PAX5: variants seen among roughly 807,000 people sequenced by gnomAD.
PAX5 encodes paired box protein Pax-5.
A neutral mutation model predicts 43.7 loss-of-function variants in PAX5; 9 were observed. The ratio of observed to expected loss-of-function variants is 0.21; its 90% confidence interval spans 0.12 to 0.36. PAX5 has a LOEUF of 0.36. Ranked by LOEUF, PAX5 falls within the 10% of genes least tolerant of loss-of-function variation. PAX5 has a pLI of 1.00. For missense variants in PAX5, 383 were observed against 532.7 expected (o/e 0.72, Z 2.77); for synonymous variants, 228 against 214.3 (o/e 1.06, Z -0.56).
rs370298232 is a variant in PAX5 at position 36,984,471 on chromosome 9, G to A, written c.605-17747C>T. On this transcript the variant is annotated intron_variant, in intron 5 of 9. Coordinates refer to ENST00000358127, the MANE Select transcript of PAX5 (RefSeq NM_016734.3). ...TTTTTTTTTTTTGAGATGGAGTTTCGCTCTTGTCACCCAGGCTGGAGTGCA... is the reference window on the plus strand; with the variant it reads ...TTTTTTTTTTTTGAGATGGAGTTTCACTCTTGTCACCCAGGCTGGAGTGCA... 2.3e-3 allele frequency among the ~76,000 whole-genome samples: 216 copies of A among 93,924 alleles called. 1 individual carries two copies. Among genetic ancestry groups the A allele is most frequent in the African/African-American group, 9.2e-3 (202 of 22,006 alleles). 61.6% of individuals were successfully genotyped at this position (93,924 alleles called of 152,430 possible). A position where few individuals can be genotyped will look rare whatever the true frequency, so the allele number is the denominator to read the frequency against.
intron 5 of PAX5, among the ~76,000 whole-genome samples, chr9:36,998,378 G>A (rs1381246835): frequency 3.3e-5 from 5 of 152,128 alleles, no homozygotes; most frequent in African/African-American, 4.8e-5. Flanking sequence ...AACTCTACTC[G>A]GAGCTTTCTA....
intron 1 of PAX5, among the ~76,000 whole-genome samples, chr9:37,030,042 G>T (rs575184234): frequency 1.3e-5 from 2 of 152,210 alleles, no homozygotes; most frequent in Admixed American, 6.5e-5. Flanking sequence ...TCGGATACCC[G>T]TGAGGCTTGC....
Position 36,839,148 on chromosome 9 carries a change from G to A in PAX5, c.*1412C>T, listed in dbSNP as rs1300302923. ...ACCCCCATGTCAAAATCACTCCCAG[G>A]TCACACAGCAGCTCCTCACTGCTCT... On this transcript the variant is annotated 3_prime_UTR_variant, in exon 10 of 10. Coordinates refer to ENST00000358127, the MANE Select transcript of PAX5 (RefSeq NM_016734.3). 1.3e-5 allele frequency: 3 copies of A among 233,570 alleles called. No homozygotes were observed. The highest frequency in any genetic ancestry group is 2.5e-5 in the Non-Finnish European group (3 of 118,358). 14.5% of individuals were successfully genotyped at this position (233,570 alleles called of 1,614,324 possible).
At chr9:36,928,845 G>T (rs960860909) in intron 6 of PAX5, among the ~76,000 whole-genome samples, 1 of 152,122 alleles carries the variant, frequency 6.6e-6, no homozygotes, top group African/African-American at 2.4e-5. Flanking sequence ...AAAACCTCTG[G>T]GGACACTGCC....
chr9:36,895,785 TG>T (rs1212697177), intron 7 of PAX5, among the ~76,000 whole-genome samples: 1 of 152,230 alleles, frequency 6.6e-6, no homozygotes, highest in Non-Finnish European at 1.5e-5. Flanking sequence ...TAGCAGTCTG[TG>T]CTCTTAACCA....
chr9:36,981,586 G>A (rs72735660), intron 5 of PAX5, among the ~76,000 whole-genome samples: 14,131 of 152,230 alleles, frequency 0.093, 779 homozygotes, highest in African/African-American at 0.16. Context: ...GGGGTCCCTA[G>A]GGAAAATCCC....
chr9:36,866,914 T>C (rs1184416230), intron 8 of PAX5, among the ~76,000 whole-genome samples: 2 of 152,142 alleles, frequency 1.3e-5, no homozygotes, highest in African/African-American at 4.8e-5. Flanking sequence ...TACACAGGGC[T>C]AACAGCCTTC....
intron 7 of PAX5, among the ~76,000 whole-genome samples, chr9:36,905,357 T>C (rs1183668454): frequency 1.3e-5 from 2 of 152,218 alleles, no homozygotes; most frequent in Non-Finnish European, 2.9e-5. Flanking sequence ...AAGGGAAGAA[T>C]GAGCCAGGAT....
In PAX5 at chr9:36,984,495, C is replaced by T. The variant is rs967348579; in HGVS notation, c.605-17771G>A. Among the ~76,000 whole-genome samples the T allele has an allele frequency of 6.5e-5, 8 of 123,138 alleles. 1 individual carries two copies. The Admixed American group carries it at 8.9e-4, about 14-fold the overall frequency. 80.8% of individuals were successfully genotyped at this position (123,138 alleles called of 152,430 possible). On this transcript the variant is annotated intron_variant, in intron 5 of 9. Transcript: ENST00000358127. ...CGCTCTTGTCACCCAGGCTGGAGTGCAGTGGCACAATCTCGGCTCACTGCA... is the reference window on the plus strand; with the variant it reads ...CGCTCTTGTCACCCAGGCTGGAGTGTAGTGGCACAATCTCGGCTCACTGCA...
chr9:36,929,779 T>C (rs560933510), intron 6 of PAX5, among the ~76,000 whole-genome samples: 134 of 152,126 alleles, frequency 8.8e-4, no homozygotes, highest in Admixed American at 3.3e-3. Flanking sequence ...CAGGCTGGAG[T>C]GAAATGGTGC....
chr9:36,908,324 G>A (rs7875354), intron 7 of PAX5, among the ~76,000 whole-genome samples: 126,053 of 151,920 alleles, frequency 0.83, 52,714 homozygotes, highest in East Asian at 0.94. Context: ...ACCTTCCCCA[G>A]ACCCCACAGA....
In PAX5 at chr9:36,833,691, C is replaced by T. The variant is rs1821435742; in HGVS notation, c.*6869G>A. On this transcript the variant is annotated 3_prime_UTR_variant, in exon 10 of 10. Coordinates refer to ENST00000358127, the MANE Select transcript of PAX5 (RefSeq NM_016734.3). ...TTACACACAAAAGCAACACACGTCA[C>T]TAAGAAAAAAACCACCAATATTTCA... The T allele has an allele frequency of 4.3e-6, 1 of 232,010 alleles. No homozygotes were observed. Among genetic ancestry groups the T allele is most frequent in the African/African-American group, 2.2e-5 (1 of 44,840 alleles). The allele number at this position is 232,010 out of a possible 1,614,324, so 14.4% of individuals were successfully genotyped here. A position where few individuals can be genotyped will look rare whatever the true frequency, so the allele number is the denominator to read the frequency against.
At chr9:36,925,982 TCA>T (rs1830610953) in intron 6 of PAX5, among the ~76,000 whole-genome samples, 1 of 152,216 alleles carries the variant, frequency 6.6e-6, no homozygotes, top group South Asian at 2.1e-4. Flanking sequence ...CATCAAAATC[TCA>T]CACTCACTGA....
chr9:36,922,239 G>A (rs985220522), intron 7 of PAX5, among the ~76,000 whole-genome samples: 2 of 152,154 alleles, frequency 1.3e-5, no homozygotes, highest in African/African-American at 4.8e-5. Context: ...GTCTAACCCA[G>A]CTTCCCTGAT....
chr9:36,971,518 A>C (rs1326819946), intron 5 of PAX5, among the ~76,000 whole-genome samples: 1 of 152,244 alleles, frequency 6.6e-6, no homozygotes, highest in Non-Finnish European at 1.5e-5. Context: ...GACCCATTTT[A>C]TTCCAGGGAG....
intron 8 of PAX5, among the ~76,000 whole-genome samples, chr9:36,866,863 C>T (rs760271556): frequency 1.1e-4 from 17 of 152,134 alleles, no homozygotes; most frequent in Non-Finnish European, 1.8e-4. Context: ...ACGGCCTCTC[C>T]GTTGAACACA....
chr9:36,925,405 C>T (rs570516485), intron 6 of PAX5, among the ~76,000 whole-genome samples: 2 of 152,214 alleles, frequency 1.3e-5, no homozygotes, highest in Admixed American at 6.5e-5. Context: ...CATCAGGAAT[C>T]GCTACAGAGC....
intron 5 of PAX5, among the ~76,000 whole-genome samples, chr9:36,992,119 C>A (rs1269064989): frequency 7.7e-6 from 1 of 129,766 alleles, no homozygotes; most frequent in Non-Finnish European, 1.7e-5. Flanking sequence ...ACACACCTCG[C>A]CCCCACCCCC....
intron 6 of PAX5, among the ~76,000 whole-genome samples, chr9:36,936,965 G>C (rs977904257): frequency 6.6e-6 from 1 of 152,196 alleles, no homozygotes; most frequent in Non-Finnish European, 1.5e-5. Context: ...TACCCAGCCA[G>C]CCTCAGGAGG....
Sources: gnomAD v4.1 joint callset for allele counts (sites outside exome capture counted in the v4.1 genomes callset) on GRCh38, gnomAD v4.1.1 for gene constraint, MANE v1.5 for transcripts, NCBI Gene and HGNC (gene_info 2026-07-23, HGNC 2026-07-21) for gene names.